Variants in ADAMTSL1 observed in about 807,000 individuals in gnomAD.
The protein encoded by ADAMTSL1 is ADAMTS like 1.
Under a neutral mutation model 201.8 loss-of-function variants are expected in ADAMTSL1, and 126 were observed. That is an observed-to-expected ratio of 0.62 (90% CI 0.54 to 0.72). The LOEUF (loss-of-function observed/expected upper bound fraction) is 0.72. Among genes scored for constraint, ADAMTSL1 ranks in the 30% least tolerant of loss-of-function variants. The pLI is 0.00. For synonymous variants in ADAMTSL1, 1,121 were observed against 903.4 expected, an observed-to-expected ratio of 1.24 and a Z score of -4.32; for missense variants, 2,679 against 2,277.8, an observed-to-expected ratio of 1.18 and a Z score of -3.59.
In ADAMTSL1 at chr9:18,324,168, A is replaced by G. The variant is rs774426117; in HGVS notation, c.207+160187A>G. On this transcript the variant is annotated intron_variant, in intron 2 of 29. Coordinates refer to the ADAMTSL1 transcript ENST00000680146. Reference sequence around the variant, plus strand: ...TGAGACCAGAAATATAGCCATATGTATATTTACTTTTTACAAAATCATCAA... The same window carrying G: ...TGAGACCAGAAATATAGCCATATGTGTATTTACTTTTTACAAAATCATCAA... Among the ~76,000 whole-genome samples the G allele has an allele frequency of 8.0e-4, 122 of 152,200 alleles. 1 individual carries two copies. The highest frequency in any genetic ancestry group is 2.7e-3 in the Admixed American group (42 of 15,278).
chr9:18,242,335 C>A (rs537137706), intron 2 of ADAMTSL1, among the ~76,000 whole-genome samples: 1 of 152,164 alleles, frequency 6.6e-6, no homozygotes, highest in African/African-American at 2.4e-5. Context: ...AAACTCTTAA[C>A]ATTTTAGGTA....
intron 14 of ADAMTSL1, among the ~76,000 whole-genome samples, chr9:18,715,617 C>G (rs1832877583): frequency 6.6e-6 from 1 of 152,238 alleles, no homozygotes; most frequent in African/African-American, 2.4e-5. Context: ...ACATTCCATG[C>G]TCATGGGTAG....
chr9:18,001,622 G>T (rs1819614529), intron 1 of ADAMTSL1, among the ~76,000 whole-genome samples: 1 of 152,068 alleles, frequency 6.6e-6, no homozygotes, highest in African/African-American at 2.4e-5. Flanking sequence ...CTGTGTTAGG[G>T]AGAATGGTGT....
At chr9:18,291,544 C>T (rs929901995) in intron 2 of ADAMTSL1, among the ~76,000 whole-genome samples, 2 of 152,106 alleles carry the variant, frequency 1.3e-5, no homozygotes, top group Non-Finnish European at 2.9e-5. Context: ...TGAACCATTT[C>T]GTGCATTTCA....
At chr9:18,389,786 T>A (rs910335049) in intron 2 of ADAMTSL1, among the ~76,000 whole-genome samples, 2 of 152,138 alleles carry the variant, frequency 1.3e-5, no homozygotes, top group African/African-American at 4.8e-5. Context: ...GTAAATCCCA[T>A]AAAGAGAAAA....
intron 3 of ADAMTSL1, among the ~76,000 whole-genome samples, chr9:18,547,897 A>C (rs1449845846): frequency 6.6e-6 from 1 of 151,954 alleles, no homozygotes; most frequent in Non-Finnish European, 1.5e-5. Flanking sequence ...TGGAACAGAC[A>C]AAGACAGGGA....
At chr9:17,991,936 C>T (rs893907564) in intron 1 of ADAMTSL1, among the ~76,000 whole-genome samples, 1 of 152,132 alleles carries the variant, frequency 6.6e-6, no homozygotes, top group African/African-American at 2.4e-5. Flanking sequence ...GCCCCTCTCT[C>T]TCATTGCTCC....
intron 1 of ADAMTSL1, among the ~76,000 whole-genome samples, chr9:18,017,890 A>T (rs561102659): frequency 1.3e-5 from 2 of 152,186 alleles, no homozygotes; most frequent in African/African-American, 4.8e-5. Flanking sequence ...CTAAAATAGC[A>T]TTGTACCTGT....
At chr9:18,576,611 A>G (rs1822748029) in intron 4 of ADAMTSL1, among the ~76,000 whole-genome samples, 2 of 152,192 alleles carry the variant, frequency 1.3e-5, no homozygotes, top group African/African-American at 4.8e-5. Flanking sequence ...TTGCCGTTTC[A>G]TAGAAGAGGA....
chr9:18,720,881 T>C (rs1323953910), intron 14 of ADAMTSL1, among the ~76,000 whole-genome samples: 1 of 152,234 alleles, frequency 6.6e-6, no homozygotes, highest in Non-Finnish European at 1.5e-5. Flanking sequence ...CTCAAACTCC[T>C]GTTTCACTAG....
chr9:18,316,751 A>G (rs1834413213), intron 2 of ADAMTSL1, among the ~76,000 whole-genome samples: 1 of 152,134 alleles, frequency 6.6e-6, no homozygotes. Flanking sequence ...AGATTAAGAG[A>G]TTAAAGTAAA....
At chr9:18,564,286 T>G (rs1216841128) in intron 3 of ADAMTSL1, among the ~76,000 whole-genome samples, 1 of 152,194 alleles carries the variant, frequency 6.6e-6, no homozygotes, top group African/African-American at 2.4e-5. Context: ...CCCGTTGCAC[T>G]TCCCTGGTGA....
chr9:18,851,743 A>G (rs1826507020), intron 23 of ADAMTSL1, among the ~76,000 whole-genome samples: 1 of 152,160 alleles, frequency 6.6e-6, no homozygotes, highest in Admixed American at 6.5e-5. Context: ...GGCCACGTGT[A>G]TAGTGTGTTT....
chr9:18,361,526 T>G (rs2133080454), intron 2 of ADAMTSL1, among the ~76,000 whole-genome samples: 1 of 152,334 alleles, frequency 6.6e-6, no homozygotes, highest in South Asian at 2.1e-4. Context: ...GACTTTGAAC[T>G]TAATGATGTG....
chr9:18,621,054 C>G (rs1000714518), intron 4 of ADAMTSL1, among the ~76,000 whole-genome samples: 1 of 152,146 alleles, frequency 6.6e-6, no homozygotes, highest in Non-Finnish European at 1.5e-5. Context: ...TTTTGAAAGG[C>G]AAGACGAACT....
At chr9:18,812,097 A>G (rs929042204) in intron 20 of ADAMTSL1, among the ~76,000 whole-genome samples, 1 of 152,240 alleles carries the variant, frequency 6.6e-6, no homozygotes, top group Admixed American at 6.5e-5. Context: ...AGAGAAGATT[A>G]TTCTAAAATG....
At chr9:18,908,055 C>T (rs1830414189) in intron 28 of ADAMTSL1, 4 of 263,626 alleles carry the variant, frequency 1.5e-5, no homozygotes, top group Non-Finnish European at 3.0e-5. Flanking sequence ...GAGTCATTTA[C>T]TTAAAATACC....
intron 16 of ADAMTSL1, among the ~76,000 whole-genome samples, chr9:18,768,395 A>G (rs1811733852): frequency 6.6e-6 from 1 of 151,736 alleles, no homozygotes; most frequent in African/African-American, 2.4e-5. Flanking sequence ...ATGAATGGCA[A>G]TAAACAAATT....
At chr9:18,278,784 C>G (rs1283393599) in intron 2 of ADAMTSL1, among the ~76,000 whole-genome samples, 24 of 152,156 alleles carry the variant, frequency 1.6e-4, no homozygotes, top group Non-Finnish European at 5.9e-5. Flanking sequence ...CTGGGAGTCT[C>G]ATGCAAATTT....
Sources: allele counts gnomAD v4.1 joint callset (sites outside exome capture counted in the v4.1 genomes callset), GRCh38; gene constraint gnomAD v4.1.1; transcripts MANE v1.5; gene names NCBI Gene and HGNC (gene_info 2026-07-23, HGNC 2026-07-21).